The following AFF2 variants were observed in gnomAD, a reference collection of about 807,000 sequenced individuals.
AFF2 encodes the protein AF4/FMR2 family member 2.
A neutral mutation model predicts 76.9 loss-of-function variants in AFF2; 14 were observed. The observed-to-expected ratio is 0.18, with a 90% CI of 0.12 to 0.28. The LOEUF is 0.28. Ranked by LOEUF, AFF2 falls within the 10% of genes least tolerant of loss-of-function variation. The probability of loss-of-function intolerance (pLI) is 1.00; values close to 1 mark genes in which losing one functional copy is unlikely to be tolerated. For synonymous variants in AFF2, 398 were observed against 366.7 expected, an observed-to-expected ratio of 1.09 and a Z score of -0.98; for missense variants, 868 against 1,001.1, an observed-to-expected ratio of 0.87 and a Z score of 1.79.
chrX:148,680,255 A>T (rs1342673756), intron 3 of AFF2, among the ~76,000 whole-genome samples: 3 of 112,582 alleles, frequency 2.7e-5, no homozygotes, highest in Non-Finnish European at 5.6e-5. Flanking sequence ...CATTAAATAC[A>T]TGCTGAATAA....
At chrX:148,769,694 C>T (rs991503707) in intron 3 of AFF2, among the ~76,000 whole-genome samples, 3 of 110,314 alleles carry the variant, frequency 2.7e-5, no homozygotes, top group Non-Finnish European at 3.8e-5. Context: ...GAGCCAGAGC[C>T]GCTGGAGTAG....
chrX:148,879,219 A>C (rs114841964), intron 7 of AFF2, among the ~76,000 whole-genome samples: 1,526 of 111,869 alleles, frequency 0.014, 37 homozygotes, highest in African/African-American at 0.047. Flanking sequence ...GCTATGTGGC[A>C]CTTTCTGAAT....
At chrX:148,866,336 T>C (rs189823108) in intron 7 of AFF2, among the ~76,000 whole-genome samples, 1 of 112,140 alleles carries the variant, frequency 8.9e-6, no homozygotes, top group East Asian at 2.8e-4. Flanking sequence ...TGTTTGTCCC[T>C]GCTTAAAGAA....
intron 7 of AFF2, among the ~76,000 whole-genome samples, chrX:148,847,814 A>G (rs2070685572): frequency 8.9e-6 from 1 of 111,995 alleles, no homozygotes; most frequent in Non-Finnish European, 1.9e-5. Context: ...TTTTATGTAC[A>G]TTGCCTTATT....
chrX:148,842,128 C>G (rs1309245295), intron 5 of AFF2, among the ~76,000 whole-genome samples: 1 of 112,089 alleles, frequency 8.9e-6, no homozygotes, highest in East Asian at 2.8e-4. Context: ...TACTTGAATT[C>G]ATTGTCTCCA....
At chrX:148,623,827 A>G (rs2053895594) in intron 1 of AFF2, among the ~76,000 whole-genome samples, 1 of 110,684 alleles carries the variant, frequency 9.0e-6, no homozygotes, top group Non-Finnish European at 1.9e-5. Context: ...CATAGTCCCA[A>G]GTGTGAGCCT....
chrX:148,790,905 C>G lies in AFF2; in HGVS notation c.1042-18971C>G, dbSNP rs1301098714. 4.5e-5 allele frequency among the ~76,000 whole-genome samples: 5 copies of G among 111,944 alleles called. No individual in the cohort carries two copies. The Admixed American group carries it at 4.7e-4, about 11-fold the overall frequency. On this transcript the variant is annotated intron_variant, in intron 3 of 20. Transcript: ENST00000370460. Reference sequence around the variant, plus strand: ...GAGACCAAATTGCAAGGTCTATGCACTTTGAAAGCTTTGGGAGATAATACT... The same window carrying G: ...GAGACCAAATTGCAAGGTCTATGCAGTTTGAAAGCTTTGGGAGATAATACT...
intron 1 of AFF2, among the ~76,000 whole-genome samples, chrX:148,584,093 T>C (rs1361826553): frequency 1.8e-5 from 2 of 112,167 alleles, no homozygotes; most frequent in Non-Finnish European, 3.8e-5. Flanking sequence ...TTTTCACCTT[T>C]GTTTATTTTT....
chrX:148,827,772 C>T (rs192084992), intron 4 of AFF2, among the ~76,000 whole-genome samples: 3 of 111,986 alleles, frequency 2.7e-5, no homozygotes, highest in East Asian at 2.8e-4. Context: ...GACCCTGTAC[C>T]GGGACCTAGT....
At chrX:148,551,958 A>G (rs2052999159) in intron 1 of AFF2, among the ~76,000 whole-genome samples, 1 of 112,456 alleles carries the variant, frequency 8.9e-6, no homozygotes, top group Non-Finnish European at 1.9e-5. Context: ...ACTAGTCCTC[A>G]ATAAAAATCT....
At chrX:148,809,333 G>A (rs1055520683) in intron 3 of AFF2, among the ~76,000 whole-genome samples, 10 of 111,897 alleles carry the variant, frequency 8.9e-5, no homozygotes, top group Non-Finnish European at 1.7e-4. Flanking sequence ...TTAGGAAGGT[G>A]TCACACTGGG....
chrX:148,648,854 A>G (rs1557255958), intron 1 of AFF2, among the ~76,000 whole-genome samples: 1 of 111,447 alleles, frequency 9.0e-6, no homozygotes, highest in Non-Finnish European at 1.9e-5. Flanking sequence ...CCAGGAGAAA[A>G]AAGTTGGAAA....
rs1349039702 is a variant in AFF2, at chrX:148,608,681, G to GT, written c.48-43316dup. Among the ~76,000 whole-genome samples the GT allele has an allele frequency of 3.7e-5, 4 of 106,880 alleles. No individual in the cohort carries two copies. The Admixed American group carries it at 4.0e-4, about 11-fold the overall frequency. The allele number at this position is 106,880 out of a possible 115,157, so 92.8% of individuals were successfully genotyped here. On this transcript the variant is annotated intron_variant, in intron 1 of 20. Transcript: ENST00000370460. ...ACTACTCATGCCCGCATGCCAGCTAGTTAAAAAAAAAAAAATTGATAGAGA... is the reference window on the plus strand; with the variant it reads ...ACTACTCATGCCCGCATGCCAGCTAGTTTAAAAAAAAAAAAATTGATAGAGA...
intron 1 of AFF2, among the ~76,000 whole-genome samples, chrX:148,583,710 C>T (rs868911664): frequency 1.8e-5 from 2 of 112,033 alleles, no homozygotes; most frequent in Non-Finnish European, 3.8e-5. Context: ...TAATTTCCAT[C>T]TGACATAACA....
At chrX:148,778,370 A>G (rs1398864522) in intron 3 of AFF2, among the ~76,000 whole-genome samples, 5 of 111,739 alleles carry the variant, frequency 4.5e-5, no homozygotes, top group Non-Finnish European at 9.4e-5. Context: ...GTGTCATAGA[A>G]TGAGTTAGGG....
rs192759231 is a variant in AFF2 at position 148,587,108 on chromosome X, C to G, written c.48-64891C>G. ...TAGCCTATACTCTTAATAACTGTTT[C>G]TAGACTAGAGCTTATACACTACTCC... On this transcript the variant is annotated intron_variant, in intron 1 of 20. Transcript: ENST00000370460. 3.7e-3 allele frequency among the ~76,000 whole-genome samples: 413 copies of G among 111,942 alleles called. 1 individual carries two copies. Among genetic ancestry groups the G allele is most frequent in the African/African-American group, 0.012 (378 of 30,837 alleles).
intron 1 of AFF2, among the ~76,000 whole-genome samples, chrX:148,645,004 T>A (rs2054130899): frequency 8.9e-6 from 1 of 112,238 alleles, no homozygotes; most frequent in East Asian, 2.8e-4. Flanking sequence ...AAATTTCAGA[T>A]CATTATTAAT....
intron 9 of AFF2, among the ~76,000 whole-genome samples, chrX:148,951,917 T>G (rs1199776645): frequency 1.8e-5 from 2 of 111,638 alleles, no homozygotes; most frequent in African/African-American, 6.5e-5. Flanking sequence ...GACAGAGAAA[T>G]GTACTTGTAG....
intron 9 of AFF2, among the ~76,000 whole-genome samples, chrX:148,947,103 T>G (rs1453693508): frequency 8.9e-6 from 1 of 111,865 alleles, no homozygotes; most frequent in Non-Finnish European, 1.9e-5. Flanking sequence ...TGGACCTCCT[T>G]ATTACTCTTT....
Sources: gnomAD v4.1 joint callset for allele counts (sites outside exome capture counted in the v4.1 genomes callset) on GRCh38, gnomAD v4.1.1 for gene constraint, MANE v1.5 for transcripts, NCBI Gene and HGNC (gene_info 2026-07-23, HGNC 2026-07-21) for gene names.